The following TTC17 variants were observed in gnomAD, a reference collection of about 807,000 sequenced individuals.
TTC17 encodes tetratricopeptide repeat domain 17, also known as tetratricopeptide repeat protein 17.
TTC17 carries 58 observed loss-of-function variants against 143.8 expected under a neutral mutation model. That is an observed-to-expected ratio of 0.40 (90% CI 0.33 to 0.50). The LOEUF is 0.50. Among genes scored for constraint, TTC17 ranks in the 20% least tolerant of loss-of-function variants. The pLI is 0.49. For missense variants in TTC17, 1,273 were observed against 1,392.5 expected (o/e 0.91, Z 1.37); for synonymous variants, 501 against 497.8 (o/e 1.01, Z -0.09).
chr11:43,479,138 G>A (rs1044302740), intron 21 of TTC17, among the ~76,000 whole-genome samples: 1 of 152,102 alleles, frequency 6.6e-6, no homozygotes. Context: ...TACTCTGGAG[G>A]CTGAGGCAGG....
At chr11:43,435,124 T>C (rs780799013) in intron 16 of TTC17, 1 of 152,106 alleles carries the variant, frequency 6.6e-6, no homozygotes, top group Non-Finnish European at 1.5e-5. Flanking sequence ...GATAGATAGA[T>C]AGATAGATCG....
rs1182906843 is a variant in TTC17 at position 43,375,475 on chromosome 11, A to G, written c.160-3758A>G. Among the ~76,000 whole-genome samples the G allele has an allele frequency of 3.3e-5, 5 of 152,206 alleles. 1 individual carries two copies. Among genetic ancestry groups the G allele is most frequent in the Admixed American group, 3.3e-4 (5 of 15,282 alleles). Reference sequence around the variant, plus strand: ...ATATTGTCTTAATATTTAAATAACTATAATTCTGAATTAAAATATTAAAAT... The same window carrying G: ...ATATTGTCTTAATATTTAAATAACTGTAATTCTGAATTAAAATATTAAAAT... On this transcript the variant is annotated intron_variant, in intron 1 of 23. Coordinates refer to ENST00000039989, the MANE Select transcript of TTC17 (RefSeq NM_018259.6).
chr11:43,449,436 A>T (rs775719753), intron 19 of TTC17: 3 of 152,204 alleles, frequency 2.0e-5, no homozygotes, highest in African/African-American at 7.2e-5. Flanking sequence ...GAGGCAACAT[A>T]TATCCTCCTG....
At chr11:43,442,207 T>C (rs948794003) in intron 16 of TTC17, among the ~76,000 whole-genome samples, 2 of 152,214 alleles carry the variant, frequency 1.3e-5, no homozygotes, top group Non-Finnish European at 2.9e-5. Flanking sequence ...TACAGTATTA[T>C]AATTTTATGG....
At chr11:43,423,144 A>G (rs1565158197) in intron 16 of TTC17, among the ~76,000 whole-genome samples, 2 of 152,182 alleles carry the variant, frequency 1.3e-5, no homozygotes. Flanking sequence ...TCAGCAACAT[A>G]TTAGGTGACT....
At chr11:43,429,553 T>C (rs1947106302) in intron 16 of TTC17, among the ~76,000 whole-genome samples, 1 of 152,222 alleles carries the variant, frequency 6.6e-6, no homozygotes, top group African/African-American at 2.4e-5. Context: ...GATATATTTT[T>C]GTTCACTTCA....
Position 43,443,326 on chromosome 11 carries a change from T to C in TTC17, c.2253T>C (p.Gly751=), listed in dbSNP as rs757722363. The part of the protein sequence containing the change: ...LYNITSSVCS[G]TVVEESNGSD... Reference sequence around the variant, plus strand: ...AACGTGCTGGCCCTTGAATTTCAGGTACGGTGGTTGAGGAGAGCAATGGTT... The same window carrying C: ...AACGTGCTGGCCCTTGAATTTCAGGCACGGTGGTTGAGGAGAGCAATGGTT... Residue 751 remains glycine, a splice_region_variant and synonymous_variant, in exon 17 of 24, where the codon GGT becomes GGC. Transcript: ENST00000039989. 1 of 1,613,874 alleles carries C rather than the reference T, an allele frequency of 6.2e-7. No homozygotes were observed. Among genetic ancestry groups the C allele is most frequent in the East Asian group, 2.2e-5 (1 of 44,868 alleles).
chr11:43,361,429 T>C (rs1013221752), intron 1 of TTC17, among the ~76,000 whole-genome samples: 1 of 152,248 alleles, frequency 6.6e-6, no homozygotes, highest in Non-Finnish European at 1.5e-5. Context: ...GCATTTAATG[T>C]ACCTACCAAA....
chr11:43,482,989 A>G (rs1396414352), intron 21 of TTC17, among the ~76,000 whole-genome samples: 1 of 152,144 alleles, frequency 6.6e-6, no homozygotes, highest in Non-Finnish European at 1.5e-5. Context: ...CAAATTCTCA[A>G]TATCAAGAAA....
intron 2 of TTC17, among the ~76,000 whole-genome samples, chr11:43,379,767 T>C (rs1184138688): frequency 1.3e-5 from 2 of 152,226 alleles, no homozygotes; most frequent in Admixed American, 1.3e-4. Flanking sequence ...TGTTTTCTTA[T>C]GGTTGACGTG....
chr11:43,391,722 A>G lies in TTC17; in HGVS notation c.532-99A>G, dbSNP rs185671073. The G allele has an allele frequency of 2.2e-3, 3,274 of 1,465,674 alleles. 9 individuals are homozygous for G. The highest frequency in any genetic ancestry group is 2.7e-3 in the Non-Finnish European group (2,959 of 1,087,172). The allele number at this position is 1,465,674 out of a possible 1,614,324, so 90.8% of individuals were successfully genotyped here. On this transcript the variant is annotated intron_variant, in intron 4 of 23. Coordinates refer to ENST00000039989, the MANE Select transcript of TTC17 (RefSeq NM_018259.6). Reference sequence around the variant, plus strand: ...GACATCTCTTATTTCTTAAAATTCCAAAATATTAGTATTTCAAAATAAACA... The same window carrying G: ...GACATCTCTTATTTCTTAAAATTCCGAAATATTAGTATTTCAAAATAAACA...
chr11:43,375,397 A>G (rs1249159802), intron 1 of TTC17, among the ~76,000 whole-genome samples: 1 of 152,228 alleles, frequency 6.6e-6, no homozygotes, highest in Non-Finnish European at 1.5e-5. Flanking sequence ...TTCAGGTTTT[A>G]CATAGAGGCA....
At chr11:43,429,478 C>T (rs192567640) in intron 16 of TTC17, among the ~76,000 whole-genome samples, 19 of 152,250 alleles carry the variant, frequency 1.2e-4, no homozygotes, top group Admixed American at 1.1e-3. Flanking sequence ...CACATGTCAC[C>T]TGTAGTAAAA....
intron 16 of TTC17, chr11:43,436,082 T>C (rs1947285926): frequency 8.5e-7 from 1 of 1,181,038 alleles, no homozygotes; most frequent in East Asian, 3.2e-5. Flanking sequence ...TTTTTGCTCT[T>C]CTTGATATTT....
rs143839369 is a variant in TTC17 at position 43,414,610 on chromosome 11, G to A, written c.2085G>A (p.Leu695=). 9.9e-5 allele frequency: 158 copies of A among 1,603,060 alleles called. No individual in the cohort carries two copies. The African/African-American group carries it at 1.6e-3, about 17-fold the overall frequency. ...NSSEPLTFLS[L]GNAYLALKNI... ...TTCAGCCTCTGACCTTTTTGAGCCTGGGAAATGCTTACCTTGCTCTGAAGA... is the reference window on the plus strand; with the variant it reads ...TTCAGCCTCTGACCTTTTTGAGCCTAGGAAATGCTTACCTTGCTCTGAAGA... The change falls in exon 16 of 24, where the codon CTG becomes CTA. Residue 695 remains leucine, a synonymous_variant. Transcript: ENST00000039989.
intron 6 of TTC17, chr11:43,397,125 CTAAA>C: frequency 2.0e-6 from 1 of 511,640 alleles, no homozygotes; most frequent in Admixed American, 3.5e-5. Flanking sequence ...AATATAAGCC[CTAAA>C]TAAATTGTAA....
At chr11:43,455,006 A>G (rs1244838314) in intron 21 of TTC17, among the ~76,000 whole-genome samples, 1 of 151,752 alleles carries the variant, frequency 6.6e-6, no homozygotes, top group Non-Finnish European at 1.5e-5. Flanking sequence ...ATATTCATTC[A>G]TGAAAATTAT....
intron 21 of TTC17, among the ~76,000 whole-genome samples, chr11:43,469,648 A>AT (rs1422338530): frequency 6.6e-6 from 1 of 152,236 alleles, no homozygotes. Context: ...ATAGGGGGAA[A>AT]TAACATATAG....
chr11:43,444,262 A>C, intron 18 of TTC17, 53 bp downstream of exon 18: 4 of 1,532,802 alleles, frequency 2.6e-6, no homozygotes, highest in Non-Finnish European at 3.5e-6. Context: ...TCACTATCTC[A>C]TTTCTCACAA....
Sources: gnomAD v4.1 joint callset for allele counts (sites outside exome capture counted in the v4.1 genomes callset) on GRCh38, gnomAD v4.1.1 for gene constraint, MANE v1.5 for transcripts, NCBI Gene and HGNC (gene_info 2026-07-23, HGNC 2026-07-21) for gene names.